MFSD2A: variants seen among roughly 807,000 people sequenced by gnomAD.
MFSD2A encodes the protein MFSD2 lysolipid transporter A, lysophospholipid, also known as sodium-dependent lysophosphatidylcholine symporter 1.
MFSD2A carries 27 observed loss-of-function variants against 64.7 expected under a neutral mutation model. The ratio of observed to expected loss-of-function variants is 0.42; its 90% CI spans 0.31 to 0.58. The LOEUF (loss-of-function observed/expected upper bound fraction) is 0.58. MFSD2A is among the 20% of genes least tolerant of loss of function. MFSD2A has a pLI of 0.18. For synonymous variants in MFSD2A, 258 were observed against 273.4 expected, an observed-to-expected ratio of 0.94 and a Z score of 0.55; for missense variants, 474 against 679.5, an observed-to-expected ratio of 0.70 and a Z score of 3.36.
At chr1:39,967,329 G>A (rs991560600) in intron 9 of MFSD2A, among the ~76,000 whole-genome samples, 160 bp downstream of exon 9, 1 of 152,192 alleles carries the variant, frequency 6.6e-6, no homozygotes, top group African/African-American at 2.4e-5. Context: ...GCGAAGGTAG[G>A]ACTGTGAAAG....
Position 39,955,285 on chromosome 1 carries a change from C to G in MFSD2A, c.-8C>G. On this transcript the variant is annotated 5_prime_UTR_variant, in exon 1 of 14. Coordinates refer to ENST00000372811, the MANE Select transcript of MFSD2A (RefSeq NM_032793.5). The surrounding 1 kb of genome is among the most constrained non-coding windows in gnomAD (Gnocchi z 5.9). Reference sequence around the variant, plus strand: ...CTACCAGGTCCCAAGCGGCGTGGCCCGCGGGTCATGGCCAAAGGAGAAGGC... The same window carrying G: ...CTACCAGGTCCCAAGCGGCGTGGCCGGCGGGTCATGGCCAAAGGAGAAGGC... 1 of 1,412,540 alleles carries G rather than the reference C, an allele frequency of 7.1e-7. No individual in the cohort carries two copies. The highest frequency in any genetic ancestry group is 1.7e-5 in the South Asian group (1 of 58,934). The allele number at this position is 1,412,540 out of a possible 1,614,324, so 87.5% of individuals were successfully genotyped here.
intron 7 of MFSD2A, 57 bp downstream of exon 7, chr1:39,966,748 G>C: frequency 1.2e-6 from 2 of 1,613,342 alleles, no homozygotes; most frequent in Non-Finnish European, 1.7e-6. Context: ...GTATCTTTCT[G>C]CCTGGCCCTC....
chr1:39,963,136 C>T lies in MFSD2A; in HGVS notation c.354-2075C>T, dbSNP rs963873356. On this transcript the variant is annotated intron_variant, in intron 3 of 13. Coordinates refer to ENST00000372811, the MANE Select transcript of MFSD2A (RefSeq NM_032793.5). The surrounding 1 kb of genome is among the most constrained non-coding windows in gnomAD (Gnocchi z 4.2). Reference sequence around the variant, plus strand: ...GGCTCTGTGCTGGTGCGTCTCATCCCTGCACCCAGGAGCACTGGCATCGTC... The same window carrying T: ...GGCTCTGTGCTGGTGCGTCTCATCCTTGCACCCAGGAGCACTGGCATCGTC... 5 of 1,392,280 alleles carry T rather than the reference C, an allele frequency of 3.6e-6. No individual in the cohort carries two copies. Among genetic ancestry groups the T allele is most frequent in the Non-Finnish European group, 5.0e-6 (5 of 1,004,224 alleles). 86.2% of individuals were successfully genotyped at this position (1,392,280 alleles called of 1,614,324 possible).
At chr1:39,957,321 G>T in intron 2 of MFSD2A, 100 bp downstream of exon 2, 1 of 1,268,920 alleles carries the variant, frequency 7.9e-7, no homozygotes, top group Non-Finnish European at 1.1e-6. Flanking sequence ...TCTGTGAAAT[G>T]GGACCCCAAA....
chr1:39,966,703 C>G lies in MFSD2A; in HGVS notation c.805+12C>G. ...GCGGGAGCAGAGAGGTAAGGGGGTG[C>G]CTGGGAAGGGGTGCAGGCCTCAGCA... On this transcript the variant is annotated intron_variant, in intron 7 of 13. Transcript: ENST00000372811. The G allele has an allele frequency of 6.2e-7, 1 of 1,613,356 alleles. No homozygotes were observed. The highest frequency in any genetic ancestry group is 1.3e-5 in the African/African-American group (1 of 75,000).
chr1:39,958,742 A>G lies in MFSD2A; in HGVS notation c.270A>G (p.Arg90=). The change falls in exon 3 of 14, where the codon CGA becomes CGG. Residue 90 remains arginine (R), a synonymous_variant. Transcript: ENST00000372811. The surrounding 1 kb of genome is among the most constrained non-coding windows in gnomAD (Gnocchi z 4.7). Reference sequence around the variant, plus strand: ...CCTCCATCATCCTGTTTGTGGGCCGAGCCTGGGATGCCATCACAGACCCCC... The same window carrying G: ...CCTCCATCATCCTGTTTGTGGGCCGGGCCTGGGATGCCATCACAGACCCCC... ...FSASIILFVG[R]AWDAITDPLV... The G allele has an allele frequency of 6.2e-7, 1 of 1,614,080 alleles. No individual in the cohort carries two copies. Among genetic ancestry groups the G allele is most frequent in the Non-Finnish European group, 8.5e-7 (1 of 1,180,010 alleles).
rs1489959867 is a variant in MFSD2A, at chr1:39,958,955, T to C, written c.353+130T>C. On this transcript the variant is annotated intron_variant, in intron 3 of 13. Transcript: ENST00000372811. The surrounding 1 kb of genome is among the most constrained non-coding windows in gnomAD (Gnocchi z 4.7). The stretch of plus-strand genomic sequence containing the variant: ...GGAAGGAGTTAAAAGCCCAAGGGTG[T>C]TGAAACCCCATCCGAGGCATCAGCT... The C allele has an allele frequency of 3.6e-6, 4 of 1,122,828 alleles. No homozygotes were observed. In the East Asian group the frequency reaches 9.8e-5, roughly 28 times the overall value. The allele number at this position is 1,122,828 out of a possible 1,614,324, so 69.6% of individuals were successfully genotyped here.
chr1:39,959,877 G>A (rs1644997656), intron 3 of MFSD2A, among the ~76,000 whole-genome samples: 1 of 152,198 alleles, frequency 6.6e-6, no homozygotes, highest in Non-Finnish European at 1.5e-5. Flanking sequence ...CCACACCAGG[G>A]GAACTGCAGA....
Position 39,963,657 on chromosome 1 carries a change from A to G in MFSD2A, c.354-1554A>G, listed in dbSNP as rs566248308. Among the ~76,000 whole-genome samples, 1 of 152,340 alleles carries G rather than the reference A, an allele frequency of 6.6e-6. No individual in the cohort carries two copies. Among genetic ancestry groups the G allele is most frequent in the Non-Finnish European group, 1.5e-5 (1 of 68,040 alleles). ...TTTTTGTTTTTGGTACAGTAGGGAT[A>G]CAAACCTGTCGGTTCTCTAATATTT... On this transcript the variant is annotated intron_variant, in intron 3 of 13. Coordinates refer to ENST00000372811, the MANE Select transcript of MFSD2A (RefSeq NM_032793.5). This position sits in a 1 kb window ranked among gnomAD's most constrained non-coding sequence, Gnocchi z 4.2.
chr1:39,967,534 G>A, intron 9 of MFSD2A, 94 bp from the exon 10 acceptor site: 2 of 1,145,684 alleles, frequency 1.7e-6, no homozygotes, highest in Non-Finnish European at 2.6e-6. Flanking sequence ...CTGCTCTTGG[G>A]CAGGGCTGGG....
chr1:39,955,239 CG>C lies in MFSD2A; in HGVS notation c.-50del. 1 of 1,314,168 alleles carries C rather than the reference CG, an allele frequency of 7.6e-7. No individual in the cohort carries two copies. 81.4% of individuals were successfully genotyped at this position (1,314,168 alleles called of 1,614,324 possible). On this transcript the variant is annotated 5_prime_UTR_variant, in exon 1 of 14. Coordinates refer to ENST00000372811, the MANE Select transcript of MFSD2A (RefSeq NM_032793.5). This position sits in a 1 kb window ranked among gnomAD's most constrained non-coding sequence, Gnocchi z 5.9. ...CGAGCTTGGGAGGAGCAGCGGCCTG[CG>C]GGGCAGAGGAGCATCCCGTCTACCA...
At position 39,968,104 on chromosome 1, in the gene MFSD2A, GA is replaced by G; in HGVS notation, c.1208+193del. ...CTTTGCAAGAACACCTAGTCAGAGT[GA>G]AAAATGGGGGCTGTAATCTGGCCTG... On this transcript the variant is annotated intron_variant, in intron 11 of 13. Transcript: ENST00000372811. This position sits in a 1 kb window ranked among gnomAD's most constrained non-coding sequence, Gnocchi z 4.4. 2 of 647,496 alleles carry G rather than the reference GA, an allele frequency of 3.1e-6. No individual in the cohort carries two copies. Among genetic ancestry groups the G allele is most frequent in the Non-Finnish European group, 5.3e-6 (2 of 379,404 alleles). The allele number at this position is 647,496 out of a possible 1,614,324, so 40.1% of individuals were successfully genotyped here.
rs1402339363 is a variant in MFSD2A at position 39,965,423 on chromosome 1, C to T, written c.478-48C>T. 10 of 1,613,350 alleles carry T rather than the reference C, an allele frequency of 6.2e-6. No individual in the cohort carries two copies. The highest frequency in any genetic ancestry group is 8.5e-6 in the Non-Finnish European group (10 of 1,179,448). On this transcript the variant is annotated intron_variant, in intron 4 of 13. Transcript: ENST00000372811. The surrounding 1 kb of genome is among the most constrained non-coding windows in gnomAD (Gnocchi z 5.5). ...CCAGGGTTGGTACTGGAAGCTACAT[C>T]AGTGTGTCCACCCGCCTGACCAGCC... is the stretch of plus-strand genomic sequence containing the variant.
Position 39,966,909 on chromosome 1 carries a change from C to G in MFSD2A, c.904C>G (p.Leu302Val). Residue 302 changes from leucine to valine, a missense_variant, in exon 8 of 14, where the codon CTC (leucine) becomes GTC (valine). By Grantham distance (32) the Leu-to-Val change is conservative. Coordinates refer to ENST00000372811, the MANE Select transcript of MFSD2A (RefSeq NM_032793.5). ...ATACATCAAACTTATTACTGGCTTC[C>G]TCTTCACCTCCTTGGCTTTCATGGT... ...GPYIKLITGFLFTSLAFMLVE... is the reference protein window; with the variant it reads ...GPYIKLITGFVFTSLAFMLVE... 6.2e-7 allele frequency: 1 copy of G among 1,613,526 alleles called. No homozygotes were observed.
Position 39,965,313 on chromosome 1 carries a change from C to T in MFSD2A, c.456C>T (p.Cys152=). The change falls in exon 4 of 14, where the codon TGC becomes TGT. Residue 152 remains cysteine (C), a synonymous_variant. Transcript: ENST00000372811. This position sits in a 1 kb window ranked among gnomAD's most constrained non-coding sequence, Gnocchi z 5.5. The part of the protein sequence containing the change: ...GQTYWYLLFY[C]LFETMVTCFH... ...CCTATTGGTACCTGCTTTTCTATTG[C>T]CTCTTTGAAACAATGGTCACGGTGA... 6.2e-6 allele frequency: 10 copies of T among 1,614,136 alleles called. No individual in the cohort carries two copies. The highest frequency in any genetic ancestry group is 1.3e-5 in the African/African-American group (1 of 75,036).
rs1459509924 is a variant in MFSD2A at position 39,960,367 on chromosome 1, C to T, written c.353+1542C>T. Among the ~76,000 whole-genome samples, 2 of 152,252 alleles carry T rather than the reference C, an allele frequency of 1.3e-5. No individual in the cohort carries two copies. The highest frequency in any genetic ancestry group is 6.5e-5 in the Admixed American group (1 of 15,292). ...CCTTCCCCCACTACAGCTTCCTTTCCCACGAGGCCCCCCACCCACCCCAAT... is the reference window on the plus strand; with the variant it reads ...CCTTCCCCCACTACAGCTTCCTTTCTCACGAGGCCCCCCACCCACCCCAAT... On this transcript the variant is annotated intron_variant, in intron 3 of 13. Transcript: ENST00000372811. The surrounding 1 kb of genome is among the most constrained non-coding windows in gnomAD (Gnocchi z 4.8).
At position 39,958,813 on chromosome 1, in the gene MFSD2A, G is replaced by A. The variant is rs375662482; in HGVS notation, c.341G>A (p.Arg114His). 5.6e-5 allele frequency: 90 copies of A among 1,610,252 alleles called. No homozygotes were observed. Among genetic ancestry groups the A allele is most frequent in the Non-Finnish European group, 6.5e-5 (76 of 1,178,054 alleles). Reference sequence around the variant, plus strand: ...AAATCCCCCTGGACCTGCCTGGGTCGCCTTATGCCCTGGTGAGTAGAATAT... The same window carrying A: ...AAATCCCCCTGGACCTGCCTGGGTCACCTTATGCCCTGGTGAGTAGAATAT... Reference protein sequence around the residue: ...ISKSPWTCLGRLMPWIIFSTP... With the variant: ...ISKSPWTCLGHLMPWIIFSTP... The change falls in exon 3 of 14, where the codon CGC (arginine) becomes CAC (histidine). Residue 114 changes from arginine to histidine, a missense_variant. Transcript: ENST00000372811. This position sits in a 1 kb window ranked among gnomAD's most constrained non-coding sequence, Gnocchi z 4.7.
Position 39,955,401 on chromosome 1 carries a change from C to T in MFSD2A, c.93+16C>T. ...CCAGGTGAAGGTGAGGGCCCGGCAC[C>T]CCGCGTGGAGGGCGAGGGGAGGGAG... On this transcript the variant is annotated intron_variant, in intron 1 of 13. Transcript: ENST00000372811. This position sits in a 1 kb window ranked among gnomAD's most constrained non-coding sequence, Gnocchi z 5.9. The T allele has an allele frequency of 6.6e-7, 1 of 1,510,874 alleles. No homozygotes were observed. The highest frequency in any genetic ancestry group is 8.9e-7 in the Non-Finnish European group (1 of 1,129,456). The allele number at this position is 1,510,874 out of a possible 1,614,324, so 93.6% of individuals were successfully genotyped here. A position where few individuals can be genotyped will look rare whatever the true frequency, so the allele number is the denominator to read the frequency against.
chr1:39,961,527 TTAG>T (rs1354537386), intron 3 of MFSD2A, among the ~76,000 whole-genome samples: 2 of 151,872 alleles, frequency 1.3e-5, no homozygotes, highest in African/African-American at 4.8e-5. Context: ...TTTTGTATTT[TTAG>T]TAGAGACGAG....
Sources: allele counts gnomAD v4.1 joint callset (sites outside exome capture counted in the v4.1 genomes callset), GRCh38; gene constraint gnomAD v4.1.1; non-coding constraint Gnocchi (gnomAD v3.1); transcripts MANE v1.5; gene names NCBI Gene and HGNC (gene_info 2026-07-23, HGNC 2026-07-21).